CHRNA1: variants seen among roughly 807,000 people sequenced by gnomAD.
The protein encoded by CHRNA1 is acetylcholine receptor subunit alpha.
A neutral mutation model predicts 47.1 loss-of-function variants in CHRNA1; 35 were observed. That is an observed-to-expected ratio of 0.74 (90% CI 0.57 to 0.99). The LOEUF is 0.99. CHRNA1 is among the 50% of genes least tolerant of loss of function. CHRNA1 has a pLI of 0.00. For synonymous variants in CHRNA1, 229 were observed against 223.6 expected (o/e 1.02, Z -0.22); for missense variants, 506 against 591.1 (o/e 0.86, Z 1.49).
At chr2:174,757,920 C>T (rs750833325) in intron 3 of CHRNA1, 1 of 1,312,000 alleles carries the variant, frequency 7.6e-7, no homozygotes, top group African/African-American at 1.5e-5. Flanking sequence ...TCACAACAAT[C>T]CCGTGAGGGG....
At chr2:174,763,401 A>G (rs1004896049) in intron 1 of CHRNA1, among the ~76,000 whole-genome samples, 1 of 152,136 alleles carries the variant, frequency 6.6e-6, no homozygotes, top group Non-Finnish European at 1.5e-5. Flanking sequence ...CCCACATGAT[A>G]TAATTTATCT....
intron 7 of CHRNA1, among the ~76,000 whole-genome samples, chr2:174,749,469 G>GT (rs1683803031): frequency 2.1e-5 from 3 of 146,224 alleles, no homozygotes; most frequent in African/African-American, 8.4e-5. Flanking sequence ...ATTCAATAAC[G>GT]TAACTATTTC....
rs774924187 is a variant in CHRNA1 at position 174,757,554 on chromosome 2, C to G, written c.344+12G>C. The G allele has an allele frequency of 1.9e-6, 3 of 1,603,768 alleles. No individual in the cohort carries two copies. Among genetic ancestry groups the G allele is most frequent in the Admixed American group, 3.3e-5 (2 of 59,986 alleles). On this transcript the variant is annotated intron_variant, in intron 4 of 8. Coordinates refer to ENST00000348749, the MANE Select transcript of CHRNA1 (RefSeq NM_000079.4). ...CCAGGAGCACCCTCCGCCACCCATG[C>G]AGTTTGCTCACTTGTTATAGAGAAC...
At position 174,748,699 on chromosome 2, in the gene CHRNA1, G is replaced by A. The variant is rs1683786611; in HGVS notation, c.1123C>T (p.Pro375Ser). ...TGGAAGCCCATGGGTGGAGGCCCTG[G>A]CTTTCCAGAAATGTCAGAGATATCA... ...DIDISDISGK[P>S]GPPPMGFHSP... is the part of the protein sequence containing the mutation. The change falls in exon 8 of 9, where the codon CCA (proline) becomes TCA (serine). Residue 375 changes from proline (P) to serine (S), a missense_variant. Pro to Ser is a moderately conservative substitution (Grantham distance 74). Coordinates refer to ENST00000348749, the MANE Select transcript of CHRNA1 (RefSeq NM_000079.4). The A allele has an allele frequency of 6.2e-7, 1 of 1,614,076 alleles. No individual in the cohort carries two copies. The highest frequency in any genetic ancestry group is 1.3e-5 in the African/African-American group (1 of 74,924).
In CHRNA1 at chr2:174,754,413, C is replaced by T. The variant is rs773971699; in HGVS notation, c.346G>A (p.Ala116Thr). The change falls in exon 5 of 9, where the codon GCA becomes ACA. Residue 116 changes from alanine (A) to threonine (T), a missense_variant and splice_region_variant. By Grantham distance (58) the Ala-to-Thr change is moderately conservative. Transcript: ENST00000348749. The part of the protein sequence containing the change: ...WRPDLVLYNN[A>T]DGDFAIVKFT... Reference sequence around the variant, plus strand: ...TTGACAATAGCAAAGTCACCATCTGCACTACAATTGGGATAAAAGAGGAAA... The same window carrying T: ...TTGACAATAGCAAAGTCACCATCTGTACTACAATTGGGATAAAAGAGGAAA... The T allele has an allele frequency of 1.2e-6, 2 of 1,613,942 alleles. No homozygotes were observed. The highest frequency in any genetic ancestry group is 1.7e-4 in the Middle Eastern group (1 of 5,968).
intron 4 of CHRNA1, among the ~76,000 whole-genome samples, chr2:174,756,351 T>C (rs1683980243): frequency 6.6e-6 from 1 of 152,190 alleles, no homozygotes; most frequent in South Asian, 2.1e-4. Flanking sequence ...ATGGCATATG[T>C]TGGTCCCTCA....
chr2:174,753,725 C>T lies in CHRNA1; in HGVS notation c.556G>A (p.Asp186Asn). ...VAINPESDQP[D>N]LSNFMESGEW... The stretch of plus-strand genomic sequence containing the variant: ...CCGCTCTCCATGAAGTTGCTCAGGT[C>T]TGGCTGGTCGCTTTCCTGAGAAAGG... The change falls in exon 6 of 9, where the codon GAC becomes AAC. Residue 186 changes from aspartate to asparagine, a missense_variant. Coordinates refer to ENST00000348749, the MANE Select transcript of CHRNA1 (RefSeq NM_000079.4). 6.2e-7 allele frequency: 1 copy of T among 1,614,078 alleles called. No individual in the cohort carries two copies. Among genetic ancestry groups the T allele is most frequent in the Admixed American group, 1.7e-5 (1 of 60,016 alleles).
At chr2:174,753,199 G>A (rs767940379) in intron 6 of CHRNA1, 37 of 597,980 alleles carry the variant, frequency 6.2e-5, no homozygotes, top group Admixed American at 1.7e-4. Flanking sequence ...ACACTTCTGG[G>A]CACACAGTTG....
At chr2:174,759,251 C>G in intron 3 of CHRNA1, 80 bp downstream of exon 3, 1 of 1,355,286 alleles carries the variant, frequency 7.4e-7, no homozygotes, top group Non-Finnish European at 1.1e-6. Context: ...TCCCTGTTAC[C>G]CATATTGATT....
At position 174,750,173 on chromosome 2, in the gene CHRNA1, A is replaced by G; in HGVS notation, c.779-4T>C. On this transcript the variant is annotated splice_region_variant and splice_polypyrimidine_tract_variant and intron_variant, in intron 6 of 8. Coordinates refer to ENST00000348749, the MANE Select transcript of CHRNA1 (RefSeq NM_000079.4). The stretch of plus-strand genomic sequence containing the variant: ...ATGCTCAGAGTCATCTTCTCCCCTG[A>G]AAAGACCAAAAAAAAAAAAAAAAAT... 6.7e-7 allele frequency: 1 copy of G among 1,492,952 alleles called. No individual in the cohort carries two copies. The allele number at this position is 1,492,952 out of a possible 1,614,324, so 92.5% of individuals were successfully genotyped here. A position where few individuals can be genotyped will look rare whatever the true frequency, so the allele number is the denominator to read the frequency against.
At chr2:174,749,823 A>G in intron 7 of CHRNA1, 123 bp downstream of exon 7, 2 of 860,676 alleles carry the variant, frequency 2.3e-6, no homozygotes, top group South Asian at 2.9e-5. Context: ...AAAATTCCCT[A>G]AAGCCCAAAG....
At chr2:174,750,350 T>C (rs1208172533) in intron 6 of CHRNA1, among the ~76,000 whole-genome samples, 181 bp from the exon 7 acceptor site, 3 of 151,764 alleles carry the variant, frequency 2.0e-5, no homozygotes, top group Non-Finnish European at 4.4e-5. Flanking sequence ...TGATATGGGG[T>C]AGTGAGTAAT....
At chr2:174,755,986 T>C (rs1683974404) in intron 4 of CHRNA1, among the ~76,000 whole-genome samples, 1 of 150,690 alleles carries the variant, frequency 6.6e-6, no homozygotes, top group African/African-American at 2.5e-5. Context: ...CAATGAGCTA[T>C]GATCACACCA....
chr2:174,755,714 G>A (rs1185315038), intron 4 of CHRNA1, among the ~76,000 whole-genome samples: 4 of 152,142 alleles, frequency 2.6e-5, no homozygotes, highest in African/African-American at 4.8e-5. Context: ...ATTGCGCCCA[G>A]TGAAACGTAG....
At chr2:174,755,375 C>A (rs1371947702) in intron 4 of CHRNA1, among the ~76,000 whole-genome samples, 1 of 151,930 alleles carries the variant, frequency 6.6e-6, no homozygotes, top group Non-Finnish European at 1.5e-5. Context: ...AAGGCCCAAT[C>A]TTGCCAGATT....
chr2:174,752,866 A>G (rs2105347224), intron 6 of CHRNA1: 1 of 156,970 alleles, frequency 6.4e-6, no homozygotes, highest in South Asian at 1.9e-4. Context: ...TTGTTTATGA[A>G]TAGTGACTTG....
At chr2:174,762,329 C>T (rs915905499) in intron 1 of CHRNA1, among the ~76,000 whole-genome samples, 1 of 152,078 alleles carries the variant, frequency 6.6e-6, no homozygotes, top group East Asian at 1.9e-4. Context: ...ATGGATTCAA[C>T]GAATCACAGT....
chr2:174,759,692 G>A (rs903041016), intron 1 of CHRNA1, 59 bp from the exon 2 acceptor site: 32 of 1,600,686 alleles, frequency 2.0e-5, no homozygotes, highest in Non-Finnish European at 2.6e-5. Flanking sequence ...CCAAACACAT[G>A]AACATGAGGA....
intron 1 of CHRNA1, among the ~76,000 whole-genome samples, chr2:174,762,398 TA>T (rs1684117502): frequency 6.6e-6 from 1 of 152,230 alleles, no homozygotes; most frequent in Non-Finnish European, 1.5e-5. Context: ...AAAAATTAAA[TA>T]ATGTCAAATT....
Sources: allele counts gnomAD v4.1 joint callset (sites outside exome capture counted in the v4.1 genomes callset), GRCh38; gene constraint gnomAD v4.1.1; transcripts MANE v1.5; gene names NCBI Gene and HGNC (gene_info 2026-07-23, HGNC 2026-07-21).